Variants in BICD1 observed in about 807,000 individuals in gnomAD.
BICD1 encodes the protein BICD cargo adaptor 1, also known as protein bicaudal D homolog 1.
BICD1 carries 35 observed loss-of-function variants against 92.5 expected under a neutral mutation model. The ratio of observed to expected loss-of-function variants is 0.38; its 90% CI spans 0.29 to 0.50. The LOEUF is 0.50. Among genes scored for constraint, BICD1 ranks in the 20% least tolerant of loss-of-function variants. BICD1 has a pLI of 0.93. For synonymous variants in BICD1, 429 were observed against 465.1 expected (o/e 0.92, Z 1.00); for missense variants, 950 against 1,189.8 (o/e 0.80, Z 2.97).
At chr12:32,130,073 G>C (rs1434197243) in intron 1 of BICD1, among the ~76,000 whole-genome samples, 5 of 152,336 alleles carry the variant, frequency 3.3e-5, no homozygotes, top group African/African-American at 1.2e-4. Flanking sequence ...CAACTAGTCA[G>C]AGAGGATTTG....
chr12:32,305,807 ACTGGAAGAAGC>A lies in BICD1; in HGVS notation c.692_702del (p.Leu231ProfsTer7). 6.2e-7 allele frequency: 1 copy of A among 1,614,230 alleles called. No homozygotes were observed. The highest frequency in any genetic ancestry group is 8.5e-7 in the Non-Finnish European group (1 of 1,180,040). On this transcript the variant is annotated frameshift_variant, in exon 4 of 10. Transcript: ENST00000652176. LOFTEE classifies it high-confidence loss of function. ...GATTGAAAGAGATTGCTGAGCACCA[ACTGGAAGAAGC>A]CCTCGAGACTTTAAAAAATGAAAGA... is the stretch of plus-strand genomic sequence containing the variant.
rs759328721 is a variant in BICD1 at position 32,182,278 on chromosome 12, C to CTTTTTTTTTTTT, written c.214-33958_214-33947dup. On this transcript the variant is annotated intron_variant, in intron 1 of 9. Coordinates refer to ENST00000652176, the MANE Select transcript of BICD1 (RefSeq NM_001714.4). ...TTCTTTTTTCTTTCTTTCTTTCTTT[C>CTTTTTTTTTTTT]TTTTTTTTTTTTTTTTTTTTTTGAG... 2.4e-3 allele frequency among the ~76,000 whole-genome samples: 195 copies of CTTTTTTTTTTTT among 81,416 alleles called. 15 individuals carry two copies. Among genetic ancestry groups the CTTTTTTTTTTTT allele is most frequent in the Middle Eastern group, 0.012 (1 of 82 alleles). 53.4% of individuals were successfully genotyped at this position (81,416 alleles called of 152,430 possible). A position where few individuals can be genotyped will look rare whatever the true frequency, so the allele number is the denominator to read the frequency against.
At chr12:32,229,096 A>G (rs1565602950) in intron 2 of BICD1, among the ~76,000 whole-genome samples, 2 of 152,166 alleles carry the variant, frequency 1.3e-5, no homozygotes. Context: ...CTAAAAATAC[A>G]AAAAATTAGC....
At chr12:32,128,385 G>A (rs1942418781) in intron 1 of BICD1, among the ~76,000 whole-genome samples, 1 of 152,044 alleles carries the variant, frequency 6.6e-6, no homozygotes, top group Non-Finnish European at 1.5e-5. Context: ...TCTTCCCTTG[G>A]TTATTTTCCT....
chr12:32,334,718 T>C, intron 6 of BICD1, 51 bp downstream of exon 6: 2 of 1,562,054 alleles, frequency 1.3e-6, no homozygotes, highest in Non-Finnish European at 1.7e-6. Flanking sequence ...GGTAAAGGCT[T>C]TAAAATTCAC....
At chr12:32,350,521 G>A (rs552192085) in intron 8 of BICD1, among the ~76,000 whole-genome samples, 7 of 152,094 alleles carry the variant, frequency 4.6e-5, no homozygotes, top group Non-Finnish European at 8.8e-5. Flanking sequence ...TAGTTACATA[G>A]CACTTATACC....
At chr12:32,184,168 AGT>A (rs897570419) in intron 1 of BICD1, among the ~76,000 whole-genome samples, 9 of 152,320 alleles carry the variant, frequency 5.9e-5, no homozygotes, top group African/African-American at 1.7e-4. Flanking sequence ...GTATCAATTT[AGT>A]GTCTCTCAAG....
At chr12:32,119,944 T>C (rs1264435771) in intron 1 of BICD1, among the ~76,000 whole-genome samples, 1 of 152,196 alleles carries the variant, frequency 6.6e-6, no homozygotes, top group Non-Finnish European at 1.5e-5. Context: ...CTTTTAAAAT[T>C]TGTTGTTTCT....
At chr12:32,238,666 C>T (rs1453546395) in intron 2 of BICD1, among the ~76,000 whole-genome samples, 4 of 152,234 alleles carry the variant, frequency 2.6e-5, no homozygotes, top group South Asian at 2.1e-4. Context: ...AATTGTCAGC[C>T]GGGTGTGGTG....
At chr12:32,198,353 T>TATATATATATATATC (rs71068306) in intron 1 of BICD1, among the ~76,000 whole-genome samples, 1 of 139,210 alleles carries the variant, frequency 7.2e-6, no homozygotes, top group Non-Finnish European at 1.6e-5. Context: ...TATATATATA[T>TATATATATATATATC]TCCAAAAATA....
chr12:32,222,969 A>T (rs1945579006), intron 2 of BICD1, among the ~76,000 whole-genome samples: 1 of 152,206 alleles, frequency 6.6e-6, no homozygotes, highest in Admixed American at 6.5e-5. Context: ...TATAAATTCT[A>T]ATGCAAGGTT....
rs147247213 is a variant in BICD1 at position 32,132,546 on chromosome 12, A to G, written c.213+25002A>G. On this transcript the variant is annotated intron_variant, in intron 1 of 9. Transcript: ENST00000652176. Reference sequence around the variant, plus strand: ...GTGCACTGTGGGACTGTGTGGCTCAATGCGGGACGGTTAGCATCCCTAGTC... The same window carrying G: ...GTGCACTGTGGGACTGTGTGGCTCAGTGCGGGACGGTTAGCATCCCTAGTC... Among the ~76,000 whole-genome samples, 13 of 152,246 alleles carry G rather than the reference A, an allele frequency of 8.5e-5. No homozygotes were observed. The East Asian group carries it at 2.1e-3, about 25-fold the overall frequency.
Position 32,382,219 on chromosome 12 carries a change from T to C in BICD1, c.*4592T>C, listed in dbSNP as rs1940205415. 1 of 152,146 alleles carries C rather than the reference T, an allele frequency of 6.6e-6. No individual in the cohort carries two copies. Among genetic ancestry groups the C allele is most frequent in the Non-Finnish European group, 1.5e-5 (1 of 67,970 alleles). The allele number at this position is 152,146 out of a possible 1,614,324, so 9.4% of individuals were successfully genotyped here. A position where few individuals can be genotyped will look rare whatever the true frequency, so the allele number is the denominator to read the frequency against. On this transcript the variant is annotated 3_prime_UTR_variant, in exon 10 of 10. Coordinates refer to ENST00000652176, the MANE Select transcript of BICD1 (RefSeq NM_001714.4). ...AGCTGAAAGATTTCATCTAGACATG[T>C]CTTTCGTCCTTATTATTCAAAGTGT...
At chr12:32,237,561 T>C (rs930733265) in intron 2 of BICD1, among the ~76,000 whole-genome samples, 2 of 152,194 alleles carry the variant, frequency 1.3e-5, no homozygotes, top group African/African-American at 2.4e-5. Context: ...TAGGGGCTAA[T>C]ACAGCTTGTG....
chr12:32,325,708 A>G (rs1328193886), intron 4 of BICD1, among the ~76,000 whole-genome samples: 1 of 152,152 alleles, frequency 6.6e-6, no homozygotes, highest in South Asian at 2.1e-4. Flanking sequence ...ATATCTAATT[A>G]TAATAATTTT....
intron 4 of BICD1, among the ~76,000 whole-genome samples, chr12:32,317,017 T>G (rs1948521945): frequency 6.6e-6 from 1 of 152,078 alleles, no homozygotes; most frequent in Admixed American, 6.6e-5. Flanking sequence ...TCATCCATGT[T>G]CCTACAAAGG....
chr12:32,233,861 G>T (rs1945977453), intron 2 of BICD1, among the ~76,000 whole-genome samples: 1 of 152,114 alleles, frequency 6.6e-6, no homozygotes, highest in South Asian at 2.1e-4. Context: ...GGCAGGTCTA[G>T]CCTGATTAAG....
At chr12:32,121,549 C>T (rs1942149876) in intron 1 of BICD1, among the ~76,000 whole-genome samples, 1 of 151,594 alleles carries the variant, frequency 6.6e-6, no homozygotes, top group Non-Finnish European at 1.5e-5. Context: ...GCTAAGATCA[C>T]TCCATTGCAC....
Position 32,161,899 on chromosome 12 carries a change from G to T in BICD1, c.214-54348G>T, listed in dbSNP as rs147820847. ...ATTTTTGTTCAATTTTCTCATATTG[G>T]GAAGCTGCCAGTTTTAGAGTTATAC... On this transcript the variant is annotated intron_variant, in intron 1 of 9. Coordinates refer to ENST00000652176, the MANE Select transcript of BICD1 (RefSeq NM_001714.4). Among the ~76,000 whole-genome samples, 293 of 152,092 alleles carry T rather than the reference G, an allele frequency of 1.9e-3. 3 individuals are homozygous for T. Among genetic ancestry groups the T allele is most frequent in the Admixed American group, 0.014 (220 of 15,266 alleles).
Sources: gnomAD v4.1 joint callset for allele counts (sites outside exome capture counted in the v4.1 genomes callset) on GRCh38, gnomAD v4.1.1 for gene constraint, MANE v1.5 for transcripts, NCBI Gene and HGNC (gene_info 2026-07-23, HGNC 2026-07-21) for gene names.